Variants in RBM20 observed in about 807,000 individuals in gnomAD.
RBM20 encodes the protein RNA binding motif protein 20.
RBM20 carries 51 observed loss-of-function variants against 110.1 expected under a neutral mutation model. That is an observed-to-expected ratio of 0.46 (90% confidence interval 0.37 to 0.59). RBM20 has a LOEUF of 0.59. Among genes scored for constraint, RBM20 ranks in the 20% least tolerant of loss-of-function variants. RBM20 has a pLI of 0.00. For missense variants in RBM20, 1,512 were observed against 1,574.9 expected (o/e 0.96, Z 0.68); for synonymous variants, 589 against 618.2 (o/e 0.95, Z 0.70).
chr10:110,739,664 A>T lies in RBM20; in HGVS notation c.192-41137A>T, dbSNP rs60742416. On this transcript the variant is annotated intron_variant, in intron 1 of 13. Coordinates refer to ENST00000369519, the MANE Select transcript of RBM20 (RefSeq NM_001134363.3). The surrounding 1 kb of genome is among the most constrained non-coding windows in gnomAD (Gnocchi z 4.1). ...GGGAAAGAGCACCAGCATCAATGTG[A>T]ACATTCTAGCTGGGACGCTTCCTTG... Among the ~76,000 whole-genome samples, 1,145 of 152,214 alleles carry T rather than the reference A, an allele frequency of 7.5e-3. 11 individuals are homozygous for T. The highest frequency in any genetic ancestry group is 0.025 in the African/African-American group (1,019 of 41,510).
rs1163706567 is a variant in RBM20 at position 110,799,799 on chromosome 10, A to G, written c.1681A>G (p.Met561Val). The G allele has an allele frequency of 6.4e-7, 1 of 1,550,938 alleles. No individual in the cohort carries two copies. The highest frequency in any genetic ancestry group is 8.7e-7 in the Non-Finnish European group (1 of 1,146,702). Residue 561 changes from methionine (M) to valine (V), a missense_variant, in exon 7 of 14, where the codon ATG (methionine) becomes GTG (valine). Around this residue, in one of 3 missense-constraint regions of RBM20, gnomAD observed 1,149 missense variants for 1,169.4 expected, o/e 0.98. Transcript: ENST00000369519. Reference protein sequence around the residue: ...MKSTNQAFLEMAYTEAAQAMV... With the variant: ...MKSTNQAFLEVAYTEAAQAMV... ...CTTTCTTTCTTAGGCCTTTTTAGAG[A>G]TGGCTTACACAGAAGCTGCACAGGC...
intron 1 of RBM20, among the ~76,000 whole-genome samples, chr10:110,661,638 T>C (rs2134824896): frequency 6.6e-6 from 1 of 152,282 alleles, no homozygotes; most frequent in Admixed American, 6.5e-5. Flanking sequence ...CTGCCTTCTC[T>C]GTAAGAAAGC....
In RBM20 at chr10:110,752,022, T is replaced by C. The variant is rs1160246235; in HGVS notation, c.192-28779T>C. Among the ~76,000 whole-genome samples, 3 of 152,170 alleles carry C rather than the reference T, an allele frequency of 2.0e-5. No homozygotes were observed. In the South Asian group the frequency reaches 6.2e-4, roughly 32 times the overall value. On this transcript the variant is annotated intron_variant, in intron 1 of 13. Transcript: ENST00000369519. The stretch of plus-strand genomic sequence containing the variant: ...CACCAGACTGGTACTTTTGTTACAA[T>C]TGATGACCCTACATTGACTCATCAT...
At position 110,781,017 on chromosome 10, in the gene RBM20, A is replaced by G. The variant is rs770818336; in HGVS notation, c.408A>G (p.Gln136=). ...KVAMSQPLFN[Q]LRHPSVITGP... ...CCATGTCCCAGCCTCTCTTCAATCA[A>G]CTGAGGCATCCGTCTGTGATCACTG... is the stretch of plus-strand genomic sequence containing the variant. Residue 136 remains glutamine (Q), a synonymous_variant, in exon 2 of 14, where the codon CAA becomes CAG. Coordinates refer to ENST00000369519, the MANE Select transcript of RBM20 (RefSeq NM_001134363.3). The G allele has an allele frequency of 3.9e-6, 6 of 1,551,672 alleles. No homozygotes were observed. The highest frequency in any genetic ancestry group is 3.3e-4 in the Middle Eastern group (2 of 5,994).
chr10:110,733,685 C>G (rs555243955), intron 1 of RBM20, among the ~76,000 whole-genome samples: 237 of 152,330 alleles, frequency 1.6e-3, no homozygotes, highest in African/African-American at 5.6e-3. Flanking sequence ...CACAAATTTC[C>G]CACACTGGCG....
intron 1 of RBM20, among the ~76,000 whole-genome samples, chr10:110,742,893 C>T (rs1406403758): frequency 6.6e-6 from 1 of 152,204 alleles, no homozygotes; most frequent in Non-Finnish European, 1.5e-5. Context: ...CAACAGTGTG[C>T]CTCACCTCCA....
intron 1 of RBM20, among the ~76,000 whole-genome samples, chr10:110,694,388 G>C (rs1430566902): frequency 1.3e-5 from 2 of 152,208 alleles, no homozygotes; most frequent in African/African-American, 2.4e-5. Context: ...TGCCATCTTT[G>C]TTGGGGCTGG....
At chr10:110,698,053 G>A (rs1455174397) in intron 1 of RBM20, among the ~76,000 whole-genome samples, 6 of 151,848 alleles carry the variant, frequency 4.0e-5, no homozygotes, top group South Asian at 2.1e-4. Context: ...GACTACAGGC[G>A]CCCACCAACA....
chr10:110,720,897 C>A (rs1843497431), intron 1 of RBM20, among the ~76,000 whole-genome samples: 1 of 152,264 alleles, frequency 6.6e-6, no homozygotes, highest in African/African-American at 2.4e-5. Context: ...CCTGGCAGGC[C>A]CTCCATGGCC....
intron 6 of RBM20, among the ~76,000 whole-genome samples, chr10:110,799,335 T>C (rs1186560242): frequency 6.6e-6 from 1 of 152,206 alleles, no homozygotes; most frequent in African/African-American, 2.4e-5. Flanking sequence ...TAACAATGTC[T>C]GGTAACCCTG....
At chr10:110,711,812 A>G (rs915303355) in intron 1 of RBM20, among the ~76,000 whole-genome samples, 111 of 152,334 alleles carry the variant, frequency 7.3e-4, no homozygotes, top group African/African-American at 2.6e-3. Context: ...ACAGGACTTC[A>G]GGGTTTTGCA....
rs182810910 is a variant in RBM20, at chr10:110,739,071, C to T, written c.192-41730C>T. 4.6e-5 allele frequency among the ~76,000 whole-genome samples: 7 copies of T among 152,256 alleles called. No homozygotes were observed. In the East Asian group the frequency reaches 1.4e-3, roughly 29 times the overall value. On this transcript the variant is annotated intron_variant, in intron 1 of 13. Coordinates refer to ENST00000369519, the MANE Select transcript of RBM20 (RefSeq NM_001134363.3). The surrounding 1 kb of genome is among the most constrained non-coding windows in gnomAD (Gnocchi z 4.1). ...GAGTATGGGGAGGTGTCTGGACAGT[C>T]AGGAAGTACCTGTCGCAGGTGGCAT... is the stretch of plus-strand genomic sequence containing the variant.
At chr10:110,679,281 T>C (rs544128008) in intron 1 of RBM20, among the ~76,000 whole-genome samples, 5 of 152,280 alleles carry the variant, frequency 3.3e-5, no homozygotes, top group African/African-American at 1.2e-4. Flanking sequence ...TGGAATGCAG[T>C]GGTGTGATCA....
At chr10:110,690,649 C>CT (rs1473731151) in intron 1 of RBM20, among the ~76,000 whole-genome samples, 1 of 152,140 alleles carries the variant, frequency 6.6e-6, no homozygotes, top group Non-Finnish European at 1.5e-5. Context: ...AATATTTGTC[C>CT]TTTTTGTCTG....
At chr10:110,778,097 G>A (rs1844291230) in intron 1 of RBM20, among the ~76,000 whole-genome samples, 1 of 152,106 alleles carries the variant, frequency 6.6e-6, no homozygotes, top group South Asian at 2.1e-4. Flanking sequence ...TTGAATTTGT[G>A]CTGGGTCACC....
At chr10:110,825,441 A>C (rs970525404) in intron 12 of RBM20, among the ~76,000 whole-genome samples, 3 of 152,184 alleles carry the variant, frequency 2.0e-5, no homozygotes, top group African/African-American at 7.2e-5. Context: ...AAAAATAAGA[A>C]CCATATCAAG....
intron 1 of RBM20, among the ~76,000 whole-genome samples, chr10:110,758,362 G>A (rs1301508121): frequency 3.3e-5 from 5 of 152,100 alleles, no homozygotes; most frequent in Non-Finnish European, 5.9e-5. Context: ...GGAGGGACAA[G>A]CAATAAAGTG....
chr10:110,765,133 T>C (rs1469866972), intron 1 of RBM20, among the ~76,000 whole-genome samples: 1 of 152,164 alleles, frequency 6.6e-6, no homozygotes, highest in Non-Finnish European at 1.5e-5. Flanking sequence ...AACTCTTCTT[T>C]AAAGAAAAGT....
intron 1 of RBM20, among the ~76,000 whole-genome samples, chr10:110,773,826 G>T (rs1844224642): frequency 6.6e-6 from 1 of 152,186 alleles, no homozygotes; most frequent in South Asian, 2.1e-4. Context: ...CATTGTGACT[G>T]CATAGTCCCC....
Sources: gnomAD v4.1 joint callset for allele counts (sites outside exome capture counted in the v4.1 genomes callset) on GRCh38, gnomAD v4.1.1 for gene constraint, gnomAD v4.1.1 regional missense constraint, Gnocchi (gnomAD v3.1) non-coding constraint, MANE v1.5 for transcripts, NCBI Gene and HGNC (gene_info 2026-07-23, HGNC 2026-07-21) for gene names.